FAM107B: variants seen among roughly 807,000 people sequenced by gnomAD.
FAM107B encodes protein FAM107B.
FAM107B carries 21 observed loss-of-function variants against 31.5 expected under a neutral mutation model. That is an observed-to-expected ratio of 0.67 (90% CI 0.47 to 0.96). The LOEUF is 0.96. FAM107B is among the 40% of genes least tolerant of loss of function. The probability of loss-of-function intolerance (pLI) is 0.00; values close to 1 mark genes in which losing one functional copy is unlikely to be tolerated. For missense variants in FAM107B, 452 were observed against 377.1 expected (o/e 1.20, Z -1.64); for synonymous variants, 157 against 141.5 (o/e 1.11, Z -0.78).
Position 14,619,708 on chromosome 10 carries a change from T to TAAAAAAA in FAM107B, c.469+47919_469+47925dup, listed in dbSNP as rs3995551. ...TTACGATTTGTGTTTGTGTCCTAGC[T>TAAAAAAA]AAAAAAAAAAAAAAAAAAAAAAACC... On this transcript the variant is annotated intron_variant, in intron 2 of 4. Coordinates refer to ENST00000181796, the MANE Select transcript of FAM107B (RefSeq NM_031453.4). Among the ~76,000 whole-genome samples, 231 of 104,526 alleles carry TAAAAAAA rather than the reference T, an allele frequency of 2.2e-3. 3 individuals are homozygous for TAAAAAAA. The highest frequency in any genetic ancestry group is 0.014 in the Admixed American group (141 of 9,768). 68.6% of individuals were successfully genotyped at this position (104,526 alleles called of 152,430 possible).
At chr10:14,621,186 T>A (rs4750539) in intron 2 of FAM107B, among the ~76,000 whole-genome samples, 17,153 of 152,222 alleles carry the variant, frequency 0.11, 1,246 homozygotes, top group Admixed American at 0.26. Flanking sequence ...TTGGCATTCT[T>A]TTCAGGGAAT....
intron 2 of FAM107B, among the ~76,000 whole-genome samples, chr10:14,577,545 T>C (rs1341155988): frequency 2.0e-5 from 3 of 152,266 alleles, no homozygotes; most frequent in African/African-American, 7.2e-5. Context: ...TTTTAAAAAC[T>C]GTATTTCCGA....
At chr10:14,646,308 A>T (rs2400088) in intron 2 of FAM107B, among the ~76,000 whole-genome samples, 45,276 of 151,924 alleles carry the variant, frequency 0.3, 6,944 homozygotes, top group South Asian at 0.39. Context: ...CATTGTACCT[A>T]ATAGGGAATT....
At position 14,709,935 on chromosome 10, in the gene FAM107B, G is replaced by A. The variant is rs189268399; in HGVS notation, c.412-42244C>T. 4.9e-3 allele frequency among the ~76,000 whole-genome samples: 742 copies of A among 152,170 alleles called. 5 individuals are homozygous for A. Among genetic ancestry groups the A allele is most frequent in the Non-Finnish European group, 5.2e-3 (354 of 67,974 alleles). ...GATATAGGGGGGAGGAGAGAGAAAA[G>A]AATAAAACAGAGCACAGGAGATTTT... On this transcript the variant is annotated intron_variant, in intron 1 of 4. Coordinates refer to ENST00000181796, the MANE Select transcript of FAM107B (RefSeq NM_031453.4).
intron 1 of FAM107B, among the ~76,000 whole-genome samples, chr10:14,705,727 A>C (rs1473836738): frequency 6.6e-6 from 1 of 151,910 alleles, no homozygotes; most frequent in Non-Finnish European, 1.5e-5. Context: ...AGAAAAGGGG[A>C]AGTTGTTTAG....
intron 1 of FAM107B, among the ~76,000 whole-genome samples, chr10:14,709,304 T>G (rs956955523): frequency 7.2e-5 from 11 of 152,280 alleles, no homozygotes; most frequent in African/African-American, 2.6e-4. Context: ...AGGCTGCCAA[T>G]AAAGACATAC....
rs1208728727 is a variant in FAM107B, at chr10:14,519,187, C to T, written c.*2003G>A. On this transcript the variant is annotated 3_prime_UTR_variant, in exon 5 of 5. Coordinates refer to ENST00000181796, the MANE Select transcript of FAM107B (RefSeq NM_031453.4). ...TTTTTTTTTCAGTGAAGAATGAATT[C>T]TAGTTAAGCTCTAGGAACAGAAATG... is the stretch of plus-strand genomic sequence containing the variant. 4.0e-5 allele frequency: 6 copies of T among 151,172 alleles called. No homozygotes were observed. The highest frequency in any genetic ancestry group is 7.4e-5 in the Non-Finnish European group (5 of 67,896). The allele number at this position is 151,172 out of a possible 1,614,324, so 9.4% of individuals were successfully genotyped here.
chr10:14,734,682 G>A (rs746483613), intron 1 of FAM107B, among the ~76,000 whole-genome samples: 34 of 152,190 alleles, frequency 2.2e-4, no homozygotes, highest in South Asian at 2.1e-3. Context: ...TTGCTCAAGC[G>A]GAGTGACAAT....
chr10:14,682,537 A>G (rs1048722627), intron 1 of FAM107B, among the ~76,000 whole-genome samples: 3 of 152,206 alleles, frequency 2.0e-5, no homozygotes, highest in African/African-American at 4.8e-5. Flanking sequence ...TCAAAAATAA[A>G]TAAATAAATA....
intron 2 of FAM107B, among the ~76,000 whole-genome samples, chr10:14,646,654 T>C (rs986428356): frequency 6.6e-6 from 1 of 152,204 alleles, no homozygotes; most frequent in Non-Finnish European, 1.5e-5. Flanking sequence ...GGTGTTGATA[T>C]AATGACTTCT....
chr10:14,588,150 T>C (rs1851903748), intron 2 of FAM107B, among the ~76,000 whole-genome samples: 1 of 152,066 alleles, frequency 6.6e-6, no homozygotes. Flanking sequence ...TTGAAATTAG[T>C]CAGCCATGTG....
At position 14,774,411 on chromosome 10, in the gene FAM107B, T is replaced by G. The variant is rs1564300324; in HGVS notation, c.253A>C (p.Arg85=). ...GAATTCCGATTCGCACTGCCATTTCTCTCTGCATGGGTGCTCGAATCTTGC... is the reference window on the plus strand; with the variant it reads ...GAATTCCGATTCGCACTGCCATTTCGCTCTGCATGGGTGCTCGAATCTTGC... ...KRQDSSTHAE[R]NGSANRNSSH... Residue 85 remains arginine (R), a synonymous_variant, in exon 1 of 5, where the codon AGA becomes CGA. Transcript: ENST00000181796. The G allele has an allele frequency of 6.2e-7, 1 of 1,614,232 alleles. No individual in the cohort carries two copies. The highest frequency in any genetic ancestry group is 2.2e-5 in the East Asian group (1 of 44,886).
At position 14,772,839 on chromosome 10, in the gene FAM107B, T is replaced by G. The variant is rs144422474; in HGVS notation, c.411+1414A>C. Among the ~76,000 whole-genome samples the G allele has an allele frequency of 5.9e-5, 9 of 152,330 alleles. No homozygotes were observed. The East Asian group carries it at 1.7e-3, about 29-fold the overall frequency. On this transcript the variant is annotated intron_variant, in intron 1 of 4. Transcript: ENST00000181796. ...TTGCCTTGAGTCCCTGAGTCCCATG[T>G]GCAACTAAAACAGAAAGATAAAATC...
At chr10:14,691,706 A>G (rs1855138687) in intron 1 of FAM107B, among the ~76,000 whole-genome samples, 1 of 152,102 alleles carries the variant, frequency 6.6e-6, no homozygotes, top group East Asian at 1.9e-4. Flanking sequence ...CAGCCTGGCC[A>G]ACATGGTGAA....
intron 2 of FAM107B, chr10:14,534,671 C>CA (rs1477926306): frequency 6.6e-6 from 1 of 152,300 alleles, no homozygotes; most frequent in Non-Finnish European, 1.5e-5. Flanking sequence ...AAGCCAAACT[C>CA]ACGCATCCAG....
intron 1 of FAM107B, among the ~76,000 whole-genome samples, chr10:14,684,979 C>A (rs889255206): frequency 6.6e-6 from 1 of 151,732 alleles, no homozygotes; most frequent in African/African-American, 2.4e-5. Context: ...CACTACTATG[C>A]CTGGCTAATT....
chr10:14,685,291 G>C (rs1854956043), intron 1 of FAM107B, among the ~76,000 whole-genome samples: 1 of 151,686 alleles, frequency 6.6e-6, no homozygotes, highest in Non-Finnish European at 1.5e-5. Context: ...TAGGACTACA[G>C]GTATGTACCA....
intron 2 of FAM107B, among the ~76,000 whole-genome samples, chr10:14,654,359 G>C (rs1229535902): frequency 6.6e-6 from 1 of 152,170 alleles, no homozygotes; most frequent in African/African-American, 2.4e-5. Flanking sequence ...CTGAATATCT[G>C]TGTGGAATAT....
intron 2 of FAM107B, among the ~76,000 whole-genome samples, chr10:14,552,954 G>A (rs746302284): frequency 2.6e-5 from 4 of 152,202 alleles, no homozygotes; most frequent in Non-Finnish European, 5.9e-5. Flanking sequence ...ACTTGCCACA[G>A]TAATTTGGCA....
Sources: allele counts gnomAD v4.1 joint callset (sites outside exome capture counted in the v4.1 genomes callset), GRCh38; gene constraint gnomAD v4.1.1; transcripts MANE v1.5; gene names NCBI Gene and HGNC (gene_info 2026-07-23, HGNC 2026-07-21).